The following C1QTNF3 variants were observed in gnomAD, a reference collection of about 807,000 sequenced individuals.
C1QTNF3 encodes the protein complement C1q tumor necrosis factor-related protein 3.
Under a neutral mutation model 32.6 loss-of-function variants are expected in C1QTNF3, and 26 were observed. The observed-to-expected ratio is 0.80, with a 90% CI of 0.58 to 1.11. C1QTNF3 has a LOEUF of 1.11. Among genes scored for constraint, C1QTNF3 ranks in the 50% least tolerant of loss-of-function variants. The pLI, the probability that C1QTNF3 is intolerant of heterozygous loss-of-function variation, is 0.00. For missense variants in C1QTNF3, 362 were observed against 398.2 expected, an observed-to-expected ratio of 0.91 and a Z score of 0.77; for synonymous variants, 155 against 146.0, an observed-to-expected ratio of 1.06 and a Z score of -0.44.
chr5:34,221,412 T>TA, the C1QTNF3 span, among the ~76,000 whole-genome samples: 75 of 152,216 alleles, frequency 4.9e-4, no homozygotes, highest in African/African-American at 1.8e-3. Context: ...TGTATAAGTT[T>TA]AAATAGAACA....
chr5:34,150,268 ACACCC>A, the C1QTNF3 span, among the ~76,000 whole-genome samples: 1 of 84,344 alleles, frequency 1.2e-5, no homozygotes, highest in South Asian at 5.2e-4. Flanking sequence ...GGAGACTTTA[ACACCC>A]CACTGTCAAC....
chr5:34,132,435 G>GTGTATATA, the C1QTNF3 span, among the ~76,000 whole-genome samples: 24 of 137,732 alleles, frequency 1.7e-4, no homozygotes, highest in African/African-American at 6.4e-4. Context: ...GTATGTGTAT[G>GTGTATATA]TATATATATA....
chr5:34,240,426 G>A, the C1QTNF3 span, among the ~76,000 whole-genome samples: 2 of 150,370 alleles, frequency 1.3e-5, no homozygotes, highest in Non-Finnish European at 3.0e-5. Flanking sequence ...AAATCAGAAT[G>A]ACAAAAACGA....
upstream of C1QTNF3, chr5:34,043,247 G>C: frequency 9.5e-7 from 1 of 1,055,758 alleles, no homozygotes; most frequent in Non-Finnish European, 1.4e-6. Context: ...TTTATACTTT[G>C]GTGTGTAATA....
upstream of C1QTNF3, among the ~76,000 whole-genome samples, chr5:34,044,054 T>G (rs1052463760): frequency 9.9e-5 from 15 of 152,138 alleles, no homozygotes; most frequent in African/African-American, 3.6e-4. Context: ...CCTGGGCAAC[T>G]TAGTGAGACC....
chr5:34,128,956 G>C, the C1QTNF3 span, among the ~76,000 whole-genome samples: 2 of 152,180 alleles, frequency 1.3e-5, no homozygotes, highest in Admixed American at 1.3e-4. Context: ...GAACAATATG[G>C]TTTGGCTCTG....
At chr5:34,054,846 C>G in the C1QTNF3 span, among the ~76,000 whole-genome samples, 2 of 152,154 alleles carry the variant, frequency 1.3e-5, no homozygotes, top group African/African-American at 4.8e-5. Flanking sequence ...CCATCTCCCC[C>G]TTTTCTCCCT....
At chr5:34,164,977 A>AAT in the C1QTNF3 span, 1 of 152,088 alleles carries the variant, frequency 6.6e-6, no homozygotes, top group African/African-American at 2.4e-5. Context: ...TTATAGTTAA[A>AAT]ATATTTAATA....
chr5:34,157,102 T>G, the C1QTNF3 span, among the ~76,000 whole-genome samples: 55 of 151,514 alleles, frequency 3.6e-4, no homozygotes, highest in Middle Eastern at 6.8e-3. Flanking sequence ...TAACAGATAA[T>G]TACTTAATCG....
chr5:34,076,357 T>C, the C1QTNF3 span, among the ~76,000 whole-genome samples: 1 of 151,732 alleles, frequency 6.6e-6, no homozygotes, highest in African/African-American at 2.4e-5. Flanking sequence ...TGAGCCAAGC[T>C]ATATGAAACT....
chr5:34,142,380 C>T, the C1QTNF3 span, among the ~76,000 whole-genome samples: 531 of 149,738 alleles, frequency 3.5e-3, 6 homozygotes, highest in African/African-American at 0.013. Flanking sequence ...TGCAGTGAGC[C>T]GAGATTGTGC....
chr5:34,204,707 A>G, the C1QTNF3 span, among the ~76,000 whole-genome samples: 1 of 151,230 alleles, frequency 6.6e-6, no homozygotes, highest in Non-Finnish European at 1.5e-5. Flanking sequence ...TTATGGAGGT[A>G]ATAAGATTAT....
chr5:34,044,074 CT>C (rs1754939333), upstream of C1QTNF3, among the ~76,000 whole-genome samples: 1 of 152,094 alleles, frequency 6.6e-6, no homozygotes, highest in South Asian at 2.1e-4. Context: ...CCTGTCTCTA[CT>C]TAAAAAATAA....
chr5:34,242,242 G>A, the C1QTNF3 span, among the ~76,000 whole-genome samples: 1 of 152,120 alleles, frequency 6.6e-6, no homozygotes, highest in Admixed American at 6.5e-5. Flanking sequence ...AGCCAGAGAG[G>A]CATCATACTA....
chr5:34,092,194 G>A, the C1QTNF3 span, among the ~76,000 whole-genome samples: 84 of 152,152 alleles, frequency 5.5e-4, no homozygotes, highest in African/African-American at 1.9e-3. Context: ...ACAGAAAATC[G>A]AGAAACAAAA....
the C1QTNF3 span, among the ~76,000 whole-genome samples, chr5:34,202,134 T>A: frequency 1.3e-5 from 2 of 152,184 alleles, no homozygotes; most frequent in African/African-American, 2.4e-5. Context: ...GCTGCATTCA[T>A]AAAGCTAGCT....
the C1QTNF3 span, among the ~76,000 whole-genome samples, chr5:34,129,401 A>G: frequency 1.3e-5 from 2 of 152,226 alleles, no homozygotes; most frequent in Non-Finnish European, 2.9e-5. Flanking sequence ...AGAAGTAGAG[A>G]ACAGAATAGT....
the C1QTNF3 span, among the ~76,000 whole-genome samples, chr5:34,223,927 T>C: frequency 6.7e-6 from 1 of 149,608 alleles, no homozygotes; most frequent in Non-Finnish European, 1.5e-5. Context: ...AAAATCTCCT[T>C]AAGCTGATGA....
the C1QTNF3 span, among the ~76,000 whole-genome samples, chr5:34,222,103 G>T: frequency 1.3e-5 from 2 of 151,786 alleles, no homozygotes; most frequent in Non-Finnish European, 2.9e-5. Flanking sequence ...TGGCAATGTT[G>T]ATTTTTTTGT....
Sources: gnomAD v4.1 joint callset for allele counts (sites outside exome capture counted in the v4.1 genomes callset) on GRCh38, gnomAD v4.1.1 for gene constraint, MANE v1.5 for transcripts, NCBI Gene and HGNC (gene_info 2026-07-23, HGNC 2026-07-21) for gene names.